Variants in TTC32 observed in about 807,000 individuals in gnomAD.
TTC32 encodes the protein tetratricopeptide repeat domain 32.
A neutral mutation model predicts 15.3 loss-of-function variants in TTC32; 16 were observed. The ratio of observed to expected loss-of-function variants is 1.05; its 90% CI spans 0.71 to 1.59. The LOEUF (loss-of-function observed/expected upper bound fraction) is 1.59, where lower values mean the gene tolerates loss of function less well. Ranked by LOEUF, TTC32 falls within the 40% of genes most tolerant of loss-of-function variation. The pLI is 0.00. For missense variants in TTC32, 188 were observed against 181.9 expected, an observed-to-expected ratio of 1.03 and a Z score of -0.19; for synonymous variants, 89 against 67.8, an observed-to-expected ratio of 1.31 and a Z score of -1.53.
At chr2:19,900,150 G>A (rs1669577385) in intron 1 of TTC32, among the ~76,000 whole-genome samples, 1 of 152,184 alleles carries the variant, frequency 6.6e-6, no homozygotes, top group African/African-American at 2.4e-5. Flanking sequence ...AGGCTGAGAG[G>A]TGCAAAGAAG....
Position 19,897,872 on chromosome 2 carries a change from G to A in TTC32, c.313C>T (p.Leu105=). ...YYNRGLILYR[L]GYFDDALEDF... The stretch of plus-strand genomic sequence containing the variant: ...CAAAAAGAAAAAAAATTCTTACCCA[G>A]CCTATACAGTATCAACCCTCTGTTG... Residue 105 remains leucine, a synonymous_variant, in exon 2 of 3, where the codon CTG becomes TTG. Transcript: ENST00000333610. 6.3e-7 allele frequency: 1 copy of A among 1,576,832 alleles called. No homozygotes were observed. The highest frequency in any genetic ancestry group is 8.6e-7 in the Non-Finnish European group (1 of 1,157,716).
At chr2:19,901,193 T>C (rs1456192044) in intron 1 of TTC32, 1 of 375,604 alleles carries the variant, frequency 2.7e-6, no homozygotes, top group Non-Finnish European at 5.4e-6. Context: ...TTATGCTCTC[T>C]TCCACATATT....
intron 1 of TTC32, among the ~76,000 whole-genome samples, chr2:19,899,673 AT>A (rs1441085344): frequency 2.4e-4 from 33 of 138,032 alleles, no homozygotes; most frequent in East Asian, 2.1e-4. Context: ...GCAAAAAAAA[AT>A]ATTTTTTATA....
chr2:19,897,117 T>C lies in TTC32; in HGVS notation c.326A>G (p.Asp109Gly). The C allele has an allele frequency of 6.3e-7, 1 of 1,596,938 alleles. No homozygotes were observed. The highest frequency in any genetic ancestry group is 8.5e-7 in the Non-Finnish European group (1 of 1,174,492). ...CTTCTTGAAATCTTCCAAAGCATCA[T>C]CAAAATATCCTGTACCAGAACCCAA... ...GLILYRLGYFDDALEDFKKVL... is the reference protein window; with the variant it reads ...GLILYRLGYFGDALEDFKKVL... The change falls in exon 3 of 3, where the codon GAT (aspartate) becomes GGT (glycine). Residue 109 changes from aspartate to glycine, a missense_variant. Physicochemically the swap from Asp to Gly is moderately conservative, Grantham distance 94 (BLOSUM62 -1). Transcript: ENST00000333610.
At chr2:19,899,249 C>A (rs184407722) in intron 1 of TTC32, among the ~76,000 whole-genome samples, 1 of 152,256 alleles carries the variant, frequency 6.6e-6, no homozygotes, top group Admixed American at 6.5e-5. Flanking sequence ...ACTAAGCACC[C>A]CCGTTAAAAC....
At chr2:19,897,617 C>G (rs1032323116) in intron 2 of TTC32, among the ~76,000 whole-genome samples, 1 of 152,202 alleles carries the variant, frequency 6.6e-6, no homozygotes, top group Admixed American at 6.5e-5. Flanking sequence ...TGGGAATGCA[C>G]AAGCACAAAG....
At chr2:19,901,455 T>C (rs1669601496) in intron 1 of TTC32, 2 of 373,888 alleles carry the variant, frequency 5.3e-6, no homozygotes, top group Non-Finnish European at 4.3e-6. Context: ...GAGGGCTTGG[T>C]TCCCGGAAAT....
chr2:19,898,237 A>G, intron 1 of TTC32: 1 of 452,986 alleles, frequency 2.2e-6, no homozygotes, highest in Non-Finnish European at 3.9e-6. Context: ...TTGTAGGGTT[A>G]TACCACTGCA....
At chr2:19,901,501 G>T in intron 1 of TTC32, 1 of 623,748 alleles carries the variant, frequency 1.6e-6, no homozygotes, top group Non-Finnish European at 2.6e-6. Flanking sequence ...CTCCTCACGG[G>T]TGGGCTTCTC....
rs1669615746 is a variant in TTC32, at chr2:19,901,953, G to C, written c.-99C>G. On this transcript the variant is annotated 5_prime_UTR_variant, in exon 1 of 3. Transcript: ENST00000333610. ...ACTTCCACACCCTGGAATCTACCTT[G>C]ACAGCCAACCTTGGCGCTAGGTTTG... is the stretch of plus-strand genomic sequence containing the variant. 2 of 1,450,214 alleles carry C rather than the reference G, an allele frequency of 1.4e-6. No homozygotes were observed. The highest frequency in any genetic ancestry group is 1.9e-6 in the Non-Finnish European group (2 of 1,058,858). The allele number at this position is 1,450,214 out of a possible 1,614,324, so 89.8% of individuals were successfully genotyped here. A position where few individuals can be genotyped will look rare whatever the true frequency, so the allele number is the denominator to read the frequency against.
Position 19,896,874 on chromosome 2 carries a change from T to G in TTC32, c.*113A>C, listed in dbSNP as rs1669518672. 1.4e-5 allele frequency: 15 copies of G among 1,043,738 alleles called. No individual in the cohort carries two copies. The highest frequency in any genetic ancestry group is 1.9e-5 in the Non-Finnish European group (14 of 752,872). 64.7% of individuals were successfully genotyped at this position (1,043,738 alleles called of 1,614,324 possible). A position where few individuals can be genotyped will look rare whatever the true frequency, so the allele number is the denominator to read the frequency against. Reference sequence around the variant, plus strand: ...CTTAAACACACTATTTAACTTTCAGTGCTAATGTATTAATTTCTTAAATAT... The same window carrying G: ...CTTAAACACACTATTTAACTTTCAGGGCTAATGTATTAATTTCTTAAATAT... On this transcript the variant is annotated 3_prime_UTR_variant, in exon 3 of 3. Transcript: ENST00000333610.
Position 19,896,773 on chromosome 2 carries a change from TATA to T in TTC32, c.*211_*213del, listed in dbSNP as rs756967016. On this transcript the variant is annotated 3_prime_UTR_variant, in exon 3 of 3. Transcript: ENST00000333610. ...CATTCCTTTTTACTATAATATTTAA[TATA>T]ATAATATACACTTATACATTGGTAT... 5 of 192,942 alleles carry T rather than the reference TATA, an allele frequency of 2.6e-5. No individual in the cohort carries two copies. Among genetic ancestry groups the T allele is most frequent in the Non-Finnish European group, 5.3e-5 (5 of 94,152 alleles). 12.0% of individuals were successfully genotyped at this position (192,942 alleles called of 1,614,324 possible).
chr2:19,898,590 C>T (rs971117242), intron 1 of TTC32: 5 of 152,254 alleles, frequency 3.3e-5, no homozygotes, highest in Non-Finnish European at 7.3e-5. Flanking sequence ...AGTTGCCCTC[C>T]CTCCAGCCTC....
In TTC32 at chr2:19,901,129, T is replaced by C. The variant is rs561767526; in HGVS notation, c.149+577A>G. 252 of 469,046 alleles carry C rather than the reference T, an allele frequency of 5.4e-4. 3 individuals are homozygous for C. The highest frequency in any genetic ancestry group is 4.8e-3 in the African/African-American group (238 of 50,046). 29.1% of individuals were successfully genotyped at this position (469,046 alleles called of 1,614,324 possible). A position where few individuals can be genotyped will look rare whatever the true frequency, so the allele number is the denominator to read the frequency against. On this transcript the variant is annotated intron_variant, in intron 1 of 2. Coordinates refer to ENST00000333610, the MANE Select transcript of TTC32 (RefSeq NM_001008237.3). ...TCCTTCTGAAACATCCATGGATGAA[T>C]ACAATAGGTAAACTGATAATGCTTA...
rs764441409 is a variant in TTC32, at chr2:19,897,095, C to T, written c.348G>A (p.Lys116=). ...GYFDDALEDF[K]KVLDLNPGFQ... Reference sequence around the variant, plus strand: ...ATCCAGGATTTAAGTCTAAGACCTTCTTGAAATCTTCCAAAGCATCATCAA... The same window carrying T: ...ATCCAGGATTTAAGTCTAAGACCTTTTTGAAATCTTCCAAAGCATCATCAA... The change falls in exon 3 of 3, where the codon AAG becomes AAA. Residue 116 remains lysine (K), a synonymous_variant. Transcript: ENST00000333610. 1.2e-6 allele frequency: 2 copies of T among 1,603,124 alleles called. No individual in the cohort carries two copies. The highest frequency in any genetic ancestry group is 1.7e-6 in the Non-Finnish European group (2 of 1,176,182).
intron 1 of TTC32, chr2:19,901,224 A>G (rs1669597552): frequency 3.0e-6 from 1 of 335,200 alleles, no homozygotes; most frequent in Non-Finnish European, 6.0e-6. Flanking sequence ...TCACAAGTGA[A>G]AAACACCACC....
intron 1 of TTC32, among the ~76,000 whole-genome samples, chr2:19,900,552 CCT>C (rs1041113127): frequency 6.6e-6 from 1 of 152,146 alleles, no homozygotes; most frequent in Non-Finnish European, 1.5e-5. Context: ...TCAACCAACC[CCT>C]CTGTTCTTTT....
At position 19,898,010 on chromosome 2, in the gene TTC32, T is replaced by C. The variant is rs1261202367; in HGVS notation, c.175A>G (p.Thr59Ala). The C allele has an allele frequency of 1.3e-6, 2 of 1,589,902 alleles. No homozygotes were observed. Among genetic ancestry groups the C allele is most frequent in the South Asian group, 2.3e-5 (2 of 88,632 alleles). The change falls in exon 2 of 3, where the codon ACT (threonine) becomes GCT (alanine). Residue 59 changes from threonine to alanine, a missense_variant. Coordinates refer to ENST00000333610, the MANE Select transcript of TTC32 (RefSeq NM_001008237.3). ...GSKCSPEDLA[T>A]AYNNRGQIKY... ...ATTTGCCCCCTGTTGTTATATGCAG[T>C]AGCCAAATCCTCAGGGCTGCATTTG...
At position 19,897,901 on chromosome 2, in the gene TTC32, T is replaced by C. The variant is rs369864621; in HGVS notation, c.284A>G (p.Tyr95Cys). Residue 95 changes from tyrosine to cysteine, a missense_variant, in exon 2 of 3, where the codon TAT (tyrosine) becomes TGT (cysteine). Physicochemically the swap from Tyr to Cys is radical, Grantham distance 194 (BLOSUM62 -2). Transcript: ENST00000333610. ...IEVQPNFEVP[Y>C]YNRGLILYRL... Reference sequence around the variant, plus strand: ...ATACAGTATCAACCCTCTGTTGTAATATGGAACTTCAAAATTGGGTTGGAC... The same window carrying C: ...ATACAGTATCAACCCTCTGTTGTAACATGGAACTTCAAAATTGGGTTGGAC... 2 of 1,611,688 alleles carry C rather than the reference T, an allele frequency of 1.2e-6. No homozygotes were observed. Among genetic ancestry groups the C allele is most frequent in the East Asian group, 2.2e-5 (1 of 44,840 alleles).
Sources: allele counts gnomAD v4.1 joint callset (sites outside exome capture counted in the v4.1 genomes callset), GRCh38; gene constraint gnomAD v4.1.1; transcripts MANE v1.5; gene names NCBI Gene and HGNC (gene_info 2026-07-23, HGNC 2026-07-21).